Variants in EEFSEC observed in about 807,000 individuals in gnomAD.
EEFSEC encodes the protein eukaryotic elongation factor, selenocysteine-tRNA specific.
EEFSEC carries 43 observed loss-of-function variants against 42.1 expected under a neutral mutation model. The ratio of observed to expected loss-of-function variants is 1.02; its 90% CI spans 0.80 to 1.32. EEFSEC has a LOEUF of 1.32. Ranked by LOEUF, EEFSEC falls within the 40% of genes most tolerant of loss-of-function variation. The probability of loss-of-function intolerance (pLI) is 0.00; values close to 1 mark genes in which losing one functional copy is unlikely to be tolerated. For missense variants in EEFSEC, 745 were observed against 803.6 expected (o/e 0.93, Z 0.88); for synonymous variants, 354 against 339.1 (o/e 1.04, Z -0.48).
At chr3:128,401,369 C>T (rs1034775515) in intron 6 of EEFSEC, among the ~76,000 whole-genome samples, 95 of 152,216 alleles carry the variant, frequency 6.2e-4, no homozygotes, top group Non-Finnish European at 4.0e-4. Context: ...TCCCTGAGCC[C>T]GTGTGCTAGG....
At chr3:128,293,433 G>C (rs188997793) in intron 4 of EEFSEC, among the ~76,000 whole-genome samples, 1 of 152,036 alleles carries the variant, frequency 6.6e-6, no homozygotes, top group African/African-American at 2.4e-5. Flanking sequence ...AGGCCAAGGC[G>C]GGTAGATCAC....
chr3:128,188,727 G>A (rs1238362590), intron 1 of EEFSEC, among the ~76,000 whole-genome samples: 4 of 152,006 alleles, frequency 2.6e-5, no homozygotes, highest in African/African-American at 4.8e-5. Context: ...CCTCTTTGCC[G>A]GGGCTGCCTC....
chr3:128,341,648 C>A lies in EEFSEC; in HGVS notation c.1202C>A (p.Ala401Asp). ...GAGGCCGACAAGAAGGCCGGCCAGG[C>A]CACAGAGGGCCATTGTCCTCGGCAG... ...NDEADKKAGQ[A>D]TEGHCPRQQW... The change falls in exon 5 of 7, where the codon GCC becomes GAC. Residue 401 changes from alanine (A) to aspartate (D), a missense_variant. By Grantham distance (126) the Ala-to-Asp change is moderately radical. Coordinates refer to ENST00000254730, the MANE Select transcript of EEFSEC (RefSeq NM_021937.5). The A allele has an allele frequency of 6.2e-7, 1 of 1,614,106 alleles. No individual in the cohort carries two copies. Among genetic ancestry groups the A allele is most frequent in the Non-Finnish European group, 8.5e-7 (1 of 1,180,042 alleles).
At chr3:128,247,074 G>A (rs1402365471) in intron 2 of EEFSEC, 31 bp downstream of exon 2, 4 of 1,605,598 alleles carry the variant, frequency 2.5e-6, no homozygotes, top group Non-Finnish European at 2.6e-6. Flanking sequence ...AATGTTCACT[G>A]CATAAGAAGG....
chr3:128,341,517 CT>C lies in EEFSEC; in HGVS notation c.1074del (p.Phe358LeufsTer27). 1.9e-6 allele frequency: 3 copies of C among 1,614,134 alleles called. No individual in the cohort carries two copies. The highest frequency in any genetic ancestry group is 2.5e-6 in the Non-Finnish European group (3 of 1,180,042). ...TGTTCTTCAGTCCTGCTCCAGATAA[CT>C]TTGACCAGGAGCCTATACTGGACTC... ...LMFFSPAPDN[F>X]DQEPILDSFN... On this transcript the variant is annotated frameshift_variant, in exon 5 of 7. Transcript: ENST00000254730. LOFTEE classifies it high-confidence loss of function.
intron 1 of EEFSEC, among the ~76,000 whole-genome samples, chr3:128,161,725 G>T (rs1024141543): frequency 6.6e-6 from 1 of 152,192 alleles, no homozygotes; most frequent in Non-Finnish European, 1.5e-5. Flanking sequence ...TGTGGAGAAG[G>T]CTCTTCCCCT....
chr3:128,236,549 A>G (rs143790675), intron 1 of EEFSEC, among the ~76,000 whole-genome samples: 84 of 150,216 alleles, frequency 5.6e-4, no homozygotes, highest in African/African-American at 2.0e-3. Context: ...TAGGTGAAAA[A>G]CAGAATTTCA....
intron 4 of EEFSEC, among the ~76,000 whole-genome samples, chr3:128,331,460 C>T (rs1471585502): frequency 1.4e-5 from 2 of 146,654 alleles, no homozygotes; most frequent in Non-Finnish European, 3.0e-5. Flanking sequence ...TCTTCCCTCC[C>T]CTTCCTCAGT....
chr3:128,315,533 C>T (rs2066935551), intron 4 of EEFSEC, among the ~76,000 whole-genome samples: 1 of 152,220 alleles, frequency 6.6e-6, no homozygotes, highest in Non-Finnish European at 1.5e-5. Context: ...CATGCTGAGG[C>T]TGCTATGGCC....
intron 6 of EEFSEC, among the ~76,000 whole-genome samples, chr3:128,361,823 A>G (rs1425163283): frequency 1.3e-5 from 2 of 152,178 alleles, no homozygotes; most frequent in Non-Finnish European, 2.9e-5. Context: ...GCCAGTAGGA[A>G]CCTACTGGGG....
At chr3:128,192,772 C>T (rs1462809166) in intron 1 of EEFSEC, among the ~76,000 whole-genome samples, 2 of 152,116 alleles carry the variant, frequency 1.3e-5, no homozygotes, top group Non-Finnish European at 2.9e-5. Context: ...ACAGAAGACA[C>T]CTCCCACCCC....
chr3:128,265,761 T>G (rs1398417988), intron 4 of EEFSEC, among the ~76,000 whole-genome samples: 1 of 152,210 alleles, frequency 6.6e-6, no homozygotes, highest in Non-Finnish European at 1.5e-5. Flanking sequence ...TCTGGCTCAC[T>G]AGGTGTGTTG....
chr3:128,257,262 G>A (rs1361804946), intron 2 of EEFSEC, among the ~76,000 whole-genome samples: 1 of 152,204 alleles, frequency 6.6e-6, no homozygotes, highest in Non-Finnish European at 1.5e-5. Flanking sequence ...GTGCTCTCTA[G>A]TAAGATTTCC....
Position 128,153,587 on chromosome 3 carries a change from TA to T in EEFSEC, c.82del (p.Ser28AlafsTer85). 1 of 1,574,266 alleles carries T rather than the reference TA, an allele frequency of 6.4e-7. No homozygotes were observed. ...DSGKTALARA[L>X]STTASTAAFD... Reference sequence around the variant, plus strand: ...GGCAAGACGGCGCTGGCGCGGGCGCTAAGCACCACAGCCTCCACCGCCGCCT... The same window carrying T: ...GGCAAGACGGCGCTGGCGCGGGCGCTAGCACCACAGCCTCCACCGCCGCCT... On this transcript the variant is annotated frameshift_variant, in exon 1 of 7. Transcript: ENST00000254730. LOFTEE classifies it high-confidence loss of function.
rs187414519 is a variant in EEFSEC at position 128,318,336 on chromosome 3, C to G, written c.787-22897C>G. Reference sequence around the variant, plus strand: ...CAGCTGGTTTTTTAACTGAGGTGGACTGAGTGACTGTTTTCCATCTCTGGC... The same window carrying G: ...CAGCTGGTTTTTTAACTGAGGTGGAGTGAGTGACTGTTTTCCATCTCTGGC... On this transcript the variant is annotated intron_variant, in intron 4 of 6. Transcript: ENST00000254730. 1.6e-3 allele frequency among the ~76,000 whole-genome samples: 250 copies of G among 152,342 alleles called. 1 individual carries two copies. The highest frequency in any genetic ancestry group is 9.3e-3 in the South Asian group (45 of 4,832).
intron 1 of EEFSEC, among the ~76,000 whole-genome samples, chr3:128,184,639 C>T (rs774937729): frequency 2.6e-5 from 4 of 152,188 alleles, no homozygotes; most frequent in African/African-American, 4.8e-5. Flanking sequence ...TTTGGCTTAA[C>T]GTGTATTTTT....
chr3:128,363,822 C>T (rs1576673511), intron 6 of EEFSEC, among the ~76,000 whole-genome samples: 1 of 152,306 alleles, frequency 6.6e-6, no homozygotes, highest in South Asian at 2.1e-4. Context: ...CCCAGGCCCA[C>T]GAGGGCCACT....
intron 1 of EEFSEC, among the ~76,000 whole-genome samples, chr3:128,165,704 G>T (rs560420953): frequency 3.9e-5 from 6 of 152,324 alleles, no homozygotes; most frequent in African/African-American, 1.4e-4. Flanking sequence ...CCATGCACAG[G>T]TGCTGCTTAA....
intron 4 of EEFSEC, among the ~76,000 whole-genome samples, chr3:128,277,749 T>G (rs919938681): frequency 1.1e-4 from 16 of 152,250 alleles, no homozygotes; most frequent in African/African-American, 3.9e-4. Context: ...TGAGCACATG[T>G]GCACATATGG....
Sources: allele counts gnomAD v4.1 joint callset (sites outside exome capture counted in the v4.1 genomes callset), GRCh38; gene constraint gnomAD v4.1.1; transcripts MANE v1.5; gene names NCBI Gene and HGNC (gene_info 2026-07-23, HGNC 2026-07-21).